Variants in GRID1 observed in about 807,000 individuals in gnomAD.
The protein encoded by GRID1 is glutamate ionotropic receptor delta type subunit 1.
A neutral mutation model predicts 98.0 loss-of-function variants in GRID1; 28 were observed. That is an observed-to-expected ratio of 0.29 (90% CI 0.21 to 0.39). GRID1 has a LOEUF of 0.39. Ranked by LOEUF, GRID1 falls within the 10% of genes least tolerant of loss-of-function variation. The pLI is 1.00. For missense variants in GRID1, 1,111 were observed against 1,340.5 expected (o/e 0.83, Z 2.67); for synonymous variants, 553 against 538.5 (o/e 1.03, Z -0.37).
At chr10:86,090,263 C>A (rs1589367674) in intron 4 of GRID1, among the ~76,000 whole-genome samples, 2 of 145,992 alleles carry the variant, frequency 1.4e-5, no homozygotes, top group South Asian at 2.2e-4. Context: ...ACTAAAAATG[C>A]CAAAAAAAAA....
chr10:86,178,574 T>C (rs545009117), intron 3 of GRID1, among the ~76,000 whole-genome samples: 1 of 152,072 alleles, frequency 6.6e-6, no homozygotes, highest in Non-Finnish European at 1.5e-5. Flanking sequence ...AGAGAGCCCA[T>C]GCGCCACCTC....
rs921006228 is a variant in GRID1, at chr10:85,789,951, A to G, written c.1234-60337T>C. Reference sequence around the variant, plus strand: ...TTCTGCAGTGGCAGCACCCGCCCTCATGGCTCTTGGCATCCACACCTGCTC... The same window carrying G: ...TTCTGCAGTGGCAGCACCCGCCCTCGTGGCTCTTGGCATCCACACCTGCTC... On this transcript the variant is annotated intron_variant, in intron 8 of 15. Coordinates refer to ENST00000327946, the MANE Select transcript of GRID1 (RefSeq NM_017551.3). 2.0e-5 allele frequency among the ~76,000 whole-genome samples: 3 copies of G among 152,176 alleles called. No individual in the cohort carries two copies. In the East Asian group the frequency reaches 5.8e-4, roughly 29 times the overall value.
intron 2 of GRID1, among the ~76,000 whole-genome samples, chr10:86,288,170 A>T (rs564242741): frequency 6.6e-6 from 1 of 152,344 alleles, no homozygotes; most frequent in Non-Finnish European, 1.5e-5. Flanking sequence ...CCCACAAGTC[A>T]GGATCTCACT....
chr10:85,721,657 G>A (rs941063219), intron 12 of GRID1, among the ~76,000 whole-genome samples: 4 of 152,188 alleles, frequency 2.6e-5, no homozygotes, highest in African/African-American at 9.6e-5. Flanking sequence ...TAGAGATGGA[G>A]TACAATTAAT....
At chr10:86,155,335 G>T (rs1419988397) in intron 3 of GRID1, among the ~76,000 whole-genome samples, 5 of 152,136 alleles carry the variant, frequency 3.3e-5, no homozygotes, top group African/African-American at 1.2e-4. Flanking sequence ...CCTCTGCCCG[G>T]GACACCAAAT....
chr10:85,950,242 G>C (rs577968288), intron 4 of GRID1, among the ~76,000 whole-genome samples: 1 of 152,198 alleles, frequency 6.6e-6, no homozygotes, highest in African/African-American at 2.4e-5. Context: ...AGTGCACCTG[G>C]AGTGACAATT....
chr10:85,797,103 C>A (rs1842532203), intron 8 of GRID1, among the ~76,000 whole-genome samples: 3 of 151,948 alleles, frequency 2.0e-5, no homozygotes, highest in Admixed American at 2.0e-4. Flanking sequence ...TATAAGAAAC[C>A]AAAATGGGAA....
At chr10:85,959,860 G>A (rs1484632546) in intron 4 of GRID1, among the ~76,000 whole-genome samples, 1 of 151,790 alleles carries the variant, frequency 6.6e-6, no homozygotes, top group African/African-American at 2.4e-5. Flanking sequence ...TCATTGTGTG[G>A]ATATATTTTT....
chr10:86,077,511 G>A (rs947653997), intron 4 of GRID1, among the ~76,000 whole-genome samples: 13 of 152,180 alleles, frequency 8.5e-5, no homozygotes, highest in African/African-American at 2.9e-4. Flanking sequence ...TAGTGCACTA[G>A]GGCTCCTCTT....
At chr10:85,695,578 T>C (rs1413283721) in intron 12 of GRID1, among the ~76,000 whole-genome samples, 5 of 152,152 alleles carry the variant, frequency 3.3e-5, no homozygotes, top group Non-Finnish European at 7.4e-5. Context: ...ACAATTCTAA[T>C]GGATCTCTGG....
chr10:86,045,499 G>A lies in GRID1; in HGVS notation c.726+93320C>T, dbSNP rs549954302. Among the ~76,000 whole-genome samples, 13 of 152,332 alleles carry A rather than the reference G, an allele frequency of 8.5e-5. No homozygotes were observed. In the South Asian group the frequency reaches 1.0e-3, roughly 12 times the overall value. ...CTTAGGGCAACAACAGACGAGTCAC[G>A]TCAGTCCTCAGGGTAGCCTGGCTCC... On this transcript the variant is annotated intron_variant, in intron 4 of 15. Coordinates refer to ENST00000327946, the MANE Select transcript of GRID1 (RefSeq NM_017551.3).
chr10:86,322,846 C>T (rs1404372847), intron 2 of GRID1, among the ~76,000 whole-genome samples: 1 of 151,158 alleles, frequency 6.6e-6, no homozygotes, highest in African/African-American at 2.4e-5. Flanking sequence ...AATCCCAGCA[C>T]TTTGGGAGGC....
chr10:85,932,501 C>T (rs1203038020), intron 4 of GRID1, among the ~76,000 whole-genome samples: 1 of 152,208 alleles, frequency 6.6e-6, no homozygotes, highest in African/African-American at 2.4e-5. Flanking sequence ...CCACTGTGCC[C>T]AGCCCTCCAT....
rs531582186 is a variant in GRID1, at chr10:86,347,889, C to T, written c.235+16052G>A. Among the ~76,000 whole-genome samples the T allele has an allele frequency of 7.2e-5, 11 of 152,306 alleles. No individual in the cohort carries two copies. In the South Asian group the frequency reaches 2.3e-3, roughly 32 times the overall value. ...GTCCGCTTTAGCATTCTGACAAACACACACGTGGGCCACAACTTCCCCACA... is the reference window on the plus strand; with the variant it reads ...GTCCGCTTTAGCATTCTGACAAACATACACGTGGGCCACAACTTCCCCACA... On this transcript the variant is annotated intron_variant, in intron 2 of 15. Coordinates refer to ENST00000327946, the MANE Select transcript of GRID1 (RefSeq NM_017551.3).
At chr10:86,152,568 G>A (rs1845184313) in intron 3 of GRID1, among the ~76,000 whole-genome samples, 1 of 152,260 alleles carries the variant, frequency 6.6e-6, no homozygotes, top group African/African-American at 2.4e-5. Context: ...GCTCCCCTGT[G>A]GGAGAAAGAG....
intron 12 of GRID1, among the ~76,000 whole-genome samples, chr10:85,681,072 C>T (rs961944446): frequency 2.0e-5 from 3 of 152,100 alleles, no homozygotes; most frequent in Admixed American, 6.6e-5. Context: ...ACCCAGACTT[C>T]GTCACTACGC....
intron 5 of GRID1, among the ~76,000 whole-genome samples, chr10:85,875,719 T>C (rs1021482475): frequency 3.3e-5 from 5 of 152,338 alleles, no homozygotes; most frequent in African/African-American, 1.2e-4. Context: ...TACTCTCTTC[T>C]TTAATGTTTA....
chr10:85,923,726 C>T (rs114317913), intron 4 of GRID1, among the ~76,000 whole-genome samples: 5 of 152,094 alleles, frequency 3.3e-5, no homozygotes, highest in Non-Finnish European at 7.4e-5. Context: ...TGGTTTCTAC[C>T]GTGTTCCACT....
chr10:85,742,193 T>G (rs1054609797), intron 8 of GRID1, among the ~76,000 whole-genome samples: 2 of 152,220 alleles, frequency 1.3e-5, no homozygotes, highest in Non-Finnish European at 2.9e-5. Flanking sequence ...AACAAATTAT[T>G]TGTTGAATCA....
Sources: gnomAD v4.1 joint callset for allele counts (sites outside exome capture counted in the v4.1 genomes callset) on GRCh38, gnomAD v4.1.1 for gene constraint, MANE v1.5 for transcripts, NCBI Gene and HGNC (gene_info 2026-07-23, HGNC 2026-07-21) for gene names.